The following BCL7B variants were observed in gnomAD, a reference collection of about 807,000 sequenced individuals.
BCL7B encodes the protein B-cell CLL/lymphoma 7 protein family member B.
In BCL7B, 11 loss-of-function variants were observed where a neutral mutation model predicts 26.5. The observed-to-expected ratio is 0.42, with a 90% CI of 0.26 to 0.69. The LOEUF (loss-of-function observed/expected upper bound fraction) is 0.69, where lower values mean the gene tolerates loss of function less well. Among genes scored for constraint, BCL7B ranks in the 30% least tolerant of loss-of-function variants. BCL7B has a pLI of 0.28. For missense variants in BCL7B, 215 were observed against 264.4 expected, an observed-to-expected ratio of 0.81 and a Z score of 1.30; for synonymous variants, 111 against 107.9, an observed-to-expected ratio of 1.03 and a Z score of -0.18.
chr7:73,543,652 AG>A lies in BCL7B; in HGVS notation c.169-9del. ...CGATTTTGACTTTTCTTTCTAGAAAAGGAAAAAAAGAGGAATATGACAGAGC... is the reference window on the plus strand; with the variant it reads ...CGATTTTGACTTTTCTTTCTAGAAAAGAAAAAAAGAGGAATATGACAGAGC... On this transcript the variant is annotated splice_polypyrimidine_tract_variant and intron_variant, in intron 2 of 5. Transcript: ENST00000223368. The A allele has an allele frequency of 6.2e-7, 1 of 1,610,306 alleles. No homozygotes were observed. Among genetic ancestry groups the A allele is most frequent in the Non-Finnish European group, 8.5e-7 (1 of 1,177,344 alleles).
At chr7:73,540,829 C>CTCAA (rs1791737559) in intron 3 of BCL7B, among the ~76,000 whole-genome samples, 1 of 50,942 alleles carries the variant, frequency 2.0e-5, no homozygotes, top group Non-Finnish European at 3.3e-5. Context: ...GACTCTGTCT[C>CTCAA]AAAAAAAAAA....
At chr7:73,554,515 G>C (rs1287441033) in intron 1 of BCL7B, among the ~76,000 whole-genome samples, 1 of 151,882 alleles carries the variant, frequency 6.6e-6, no homozygotes, top group Admixed American at 6.6e-5. Flanking sequence ...TGACATAATA[G>C]GGCCGGGCAC....
intron 4 of BCL7B, among the ~76,000 whole-genome samples, chr7:73,538,655 A>C (rs116535857): frequency 0.014 from 2,146 of 151,944 alleles, 54 homozygotes; most frequent in African/African-American, 0.049. Flanking sequence ...TTTCTACAGA[A>C]AATTAAAAGA....
intron 1 of BCL7B, among the ~76,000 whole-genome samples, chr7:73,552,946 G>C (rs890941789): frequency 6.6e-6 from 1 of 152,096 alleles, no homozygotes; most frequent in Non-Finnish European, 1.5e-5. Context: ...TAGTGAGACA[G>C]GGTCTCGTTC....
chr7:73,554,717 G>GA (rs1189054933), intron 1 of BCL7B, among the ~76,000 whole-genome samples: 3 of 149,826 alleles, frequency 2.0e-5, no homozygotes, highest in Non-Finnish European at 4.4e-5. Flanking sequence ...AGAACTGCTT[G>GA]AACCCCAGAG....
intron 3 of BCL7B, chr7:73,542,902 C>G (rs1554583029): frequency 2.3e-6 from 1 of 442,346 alleles, no homozygotes; most frequent in African/African-American, 2.0e-5. Flanking sequence ...TAGCCAGACT[C>G]TGTCTCTACA....
chr7:73,552,482 TA>T (rs1169649742), intron 1 of BCL7B, among the ~76,000 whole-genome samples: 9 of 143,380 alleles, frequency 6.3e-5, no homozygotes, highest in East Asian at 2.0e-4. Context: ...ACCTCATCTC[TA>T]AAAAAAAAAT....
chr7:73,550,219 C>G (rs1489031518), intron 2 of BCL7B, among the ~76,000 whole-genome samples: 6 of 152,074 alleles, frequency 3.9e-5, no homozygotes, highest in African/African-American at 1.4e-4. Flanking sequence ...GGTAATAATT[C>G]TATTTATATT....
intron 3 of BCL7B, among the ~76,000 whole-genome samples, chr7:73,542,048 G>A (rs1791789274): frequency 6.6e-6 from 1 of 152,154 alleles, no homozygotes; most frequent in African/African-American, 2.4e-5. Context: ...AGGTGGAAAT[G>A]CCCACCCTCT....
chr7:73,544,004 C>G (rs1455976675), intron 2 of BCL7B: 4 of 172,396 alleles, frequency 2.3e-5, no homozygotes, highest in African/African-American at 7.2e-5. Context: ...GAGAAAGATT[C>G]CTGTTTCAGT....
intron 2 of BCL7B, among the ~76,000 whole-genome samples, chr7:73,546,644 G>A (rs1392558862): frequency 6.6e-6 from 1 of 151,786 alleles, no homozygotes. Context: ...CTCCAGCCTG[G>A]GTGACACAGC....
chr7:73,555,185 C>T (rs1425030922), intron 1 of BCL7B, among the ~76,000 whole-genome samples: 1 of 151,966 alleles, frequency 6.6e-6, no homozygotes, highest in Non-Finnish European at 1.5e-5. Context: ...GTGGGAGGAC[C>T]ACTTGGAATT....
rs1583982332 is a variant in BCL7B at position 73,537,069 on chromosome 7, G to T, written c.*229C>A. 3 of 446,868 alleles carry T rather than the reference G, an allele frequency of 6.7e-6. No individual in the cohort carries two copies. Among genetic ancestry groups the T allele is most frequent in the Non-Finnish European group, 1.2e-5 (3 of 245,906 alleles). 27.7% of individuals were successfully genotyped at this position (446,868 alleles called of 1,614,324 possible). A position where few individuals can be genotyped will look rare whatever the true frequency, so the allele number is the denominator to read the frequency against. Reference sequence around the variant, plus strand: ...TGGCCGATGCTCCAGCCAACTTGGGGTGCAAAAAAGACATGAGCGCTCCTC... The same window carrying T: ...TGGCCGATGCTCCAGCCAACTTGGGTTGCAAAAAAGACATGAGCGCTCCTC... On this transcript the variant is annotated 3_prime_UTR_variant, in exon 6 of 6. Transcript: ENST00000223368.
At chr7:73,548,926 G>A (rs895129262) in intron 2 of BCL7B, among the ~76,000 whole-genome samples, 8 of 151,726 alleles carry the variant, frequency 5.3e-5, no homozygotes, top group Admixed American at 3.3e-4. Flanking sequence ...GCGAAATTCC[G>A]TCTCAAAAAA....
At chr7:73,557,115 CAAGAGG>C in intron 1 of BCL7B, 1 of 995,658 alleles carries the variant, frequency 1.0e-6, no homozygotes. Flanking sequence ...TCGCTATTAT[CAAGAGG>C]AAGCCTGGAA....
intron 1 of BCL7B, among the ~76,000 whole-genome samples, chr7:73,556,174 C>A (rs1156722067): frequency 6.6e-6 from 1 of 152,102 alleles, no homozygotes; most frequent in African/African-American, 2.4e-5. Flanking sequence ...ATACTGAAAC[C>A]CAACTATATA....
rs1554583162 is a variant in BCL7B at position 73,543,558 on chromosome 7, A to G, written c.255T>C (p.Leu85=). The stretch of plus-strand genomic sequence containing the variant: ...AGAGATGCAACTCACCCTGGAATTC[A>G]AGAAGGAGAGAGGAATTGGCTGAGG... ...SDASANSSLL[L]EFQDENSNQS... Residue 85 remains leucine, a synonymous_variant, in exon 3 of 6, where the codon CTT becomes CTC. Coordinates refer to ENST00000223368, the MANE Select transcript of BCL7B (RefSeq NM_001707.4). The G allele has an allele frequency of 6.2e-7, 1 of 1,613,426 alleles. No homozygotes were observed. The highest frequency in any genetic ancestry group is 1.1e-5 in the South Asian group (1 of 91,054).
intron 3 of BCL7B, among the ~76,000 whole-genome samples, 186 bp downstream of exon 3, chr7:73,543,362 G>A (rs1791840464): frequency 6.6e-6 from 1 of 151,980 alleles, no homozygotes; most frequent in Admixed American, 6.6e-5. Context: ...ATTTTTAGTA[G>A]AGACTGGGTT....
At position 73,537,101 on chromosome 7, in the gene BCL7B, G is replaced by A. The variant is rs1258977221; in HGVS notation, c.*197C>T. 17 of 496,998 alleles carry A rather than the reference G, an allele frequency of 3.4e-5. No homozygotes were observed. Among genetic ancestry groups the A allele is most frequent in the Non-Finnish European group, 5.8e-5 (16 of 277,162 alleles). The allele number at this position is 496,998 out of a possible 1,614,324, so 30.8% of individuals were successfully genotyped here. A position where few individuals can be genotyped will look rare whatever the true frequency, so the allele number is the denominator to read the frequency against. On this transcript the variant is annotated 3_prime_UTR_variant, in exon 6 of 6. Coordinates refer to ENST00000223368, the MANE Select transcript of BCL7B (RefSeq NM_001707.4). ...AAAGACATGAGCGCTCCTCTTCTCG[G>A]GAGCAAGTAGACACAGGTGCCAGGG...
Sources: gnomAD v4.1 joint callset for allele counts (sites outside exome capture counted in the v4.1 genomes callset) on GRCh38, gnomAD v4.1.1 for gene constraint, MANE v1.5 for transcripts, NCBI Gene and HGNC (gene_info 2026-07-23, HGNC 2026-07-21) for gene names.